The following SLC43A1 variants were observed in gnomAD, a reference collection of about 807,000 sequenced individuals.
SLC43A1 encodes solute carrier family 43 member 1, also known as large neutral amino acids transporter small subunit 3.
A neutral mutation model predicts 59.5 loss-of-function variants in SLC43A1; 31 were observed. The ratio of observed to expected loss-of-function variants is 0.52; its 90% CI spans 0.39 to 0.70. The LOEUF (loss-of-function observed/expected upper bound fraction) is 0.70, where lower values mean the gene tolerates loss of function less well. Among genes scored for constraint, SLC43A1 ranks in the 30% least tolerant of loss-of-function variants. The pLI, the probability that SLC43A1 is intolerant of heterozygous loss-of-function variation, is 0.00. For missense variants in SLC43A1, 598 were observed against 717.8 expected (o/e 0.83, Z 1.91); for synonymous variants, 259 against 290.9 (o/e 0.89, Z 1.12).
intron 2 of SLC43A1, among the ~76,000 whole-genome samples, chr11:57,512,705 T>C (rs1161384607): frequency 1.3e-5 from 2 of 152,092 alleles, no homozygotes; most frequent in Non-Finnish European, 2.9e-5. Context: ...TATCATTTCA[T>C]GTCAGGCCTC....
chr11:57,507,514 A>G (rs1944419637), intron 2 of SLC43A1, among the ~76,000 whole-genome samples: 1 of 152,146 alleles, frequency 6.6e-6, no homozygotes. Context: ...GTGGTGGTAC[A>G]TGCCTGTGGT....
chr11:57,506,174 C>A (rs1944391414), intron 2 of SLC43A1, among the ~76,000 whole-genome samples: 1 of 151,976 alleles, frequency 6.6e-6, no homozygotes. Flanking sequence ...AGTGAGACCC[C>A]ATCTATACAA....
chr11:57,501,757 T>G (rs1031484936), intron 2 of SLC43A1, among the ~76,000 whole-genome samples: 2 of 152,152 alleles, frequency 1.3e-5, no homozygotes, highest in Non-Finnish European at 2.9e-5. Context: ...CCCACCACTG[T>G]GGGAGGCTGA....
chr11:57,512,521 G>T (rs757280385), intron 2 of SLC43A1, among the ~76,000 whole-genome samples: 7 of 151,222 alleles, frequency 4.6e-5, no homozygotes, highest in Non-Finnish European at 8.8e-5. Context: ...TCCAGCCTGG[G>T]TGACAGAGTG....
At chr11:57,509,647 A>AAGTT (rs1375018599) in intron 2 of SLC43A1, among the ~76,000 whole-genome samples, 21 of 124,932 alleles carry the variant, frequency 1.7e-4, no homozygotes, top group African/African-American at 4.5e-4. Flanking sequence ...GGAAGGAAGG[A>AAGTT]AGGAGGGAGG....
intron 2 of SLC43A1, among the ~76,000 whole-genome samples, chr11:57,507,771 T>C (rs1023644045): frequency 1.5e-4 from 23 of 152,200 alleles, no homozygotes; most frequent in African/African-American, 5.5e-4. Flanking sequence ...ATTGTCCACT[T>C]TGTTTTATAG....
chr11:57,508,250 G>A (rs1944436480), intron 2 of SLC43A1, among the ~76,000 whole-genome samples: 1 of 145,654 alleles, frequency 6.9e-6, no homozygotes, highest in African/African-American at 2.5e-5. Flanking sequence ...CTGGGCAACA[G>A]AGCGAGATTC....
intron 8 of SLC43A1, 59 bp downstream of exon 8, chr11:57,493,934 T>C: frequency 1.3e-6 from 2 of 1,491,526 alleles, no homozygotes; most frequent in Non-Finnish European, 1.8e-6. Flanking sequence ...GAGTGCTCAC[T>C]GAATATGAGG....
Position 57,489,246 on chromosome 11 carries a change from G to C in SLC43A1, c.1335+5C>G, listed in dbSNP as rs1303893303. ...CAGGGAGAGGGGAAGGATGAAGGTG[G>C]GTACCTGGAGGTGTAAGTTGTTGAT... On this transcript the variant is annotated splice_donor_5th_base_variant and intron_variant, in intron 12 of 14. Coordinates refer to ENST00000278426, the MANE Select transcript of SLC43A1 (RefSeq NM_003627.6). 6.2e-7 allele frequency: 1 copy of C among 1,614,152 alleles called. No homozygotes were observed. The highest frequency in any genetic ancestry group is 2.2e-5 in the East Asian group (1 of 44,876).
intron 8 of SLC43A1, 92 bp downstream of exon 8, chr11:57,493,901 G>T: frequency 8.0e-7 from 1 of 1,255,588 alleles, no homozygotes; most frequent in South Asian, 1.6e-5. Flanking sequence ...ACTGAAGAGG[G>T]GTGCGAATAA....
rs1944084705 is a variant in SLC43A1 at position 57,496,315 on chromosome 11, T to C, written c.559-151A>G. The C allele has an allele frequency of 3.6e-6, 3 of 825,842 alleles. No homozygotes were observed. In the Admixed American group the frequency reaches 9.5e-5, roughly 26 times the overall value. 51.2% of individuals were successfully genotyped at this position (825,842 alleles called of 1,614,324 possible). A position where few individuals can be genotyped will look rare whatever the true frequency, so the allele number is the denominator to read the frequency against. ...GATGAGGAAACCAAGACCAGAAGTT[T>C]AGAGTCAGACTCAGAAGACCCATCA... On this transcript the variant is annotated intron_variant, in intron 6 of 14. Transcript: ENST00000278426.
At chr11:57,499,465 C>A in intron 5 of SLC43A1, 1 of 152,438 alleles carries the variant, frequency 6.6e-6, no homozygotes. Context: ...GCACCACTGC[C>A]AAGGACGCCA....
At position 57,496,162 on chromosome 11, in the gene SLC43A1, C is replaced by G; in HGVS notation, c.561G>C (p.Leu187=). 1 of 1,613,998 alleles carries G rather than the reference C, an allele frequency of 6.2e-7. No homozygotes were observed. The highest frequency in any genetic ancestry group is 8.5e-7 in the Non-Finnish European group (1 of 1,179,952). ...CGAAGGCCACACCGGCATCGTAGATCAGCTGTGAGAGGAGGGGGCAGGCCC... is the reference window on the plus strand; with the variant it reads ...CGAAGGCCACACCGGCATCGTAGATGAGCTGTGAGAGGAGGGGGCAGGCCC... ...SSAITFPGIK[L]IYDAGVAFVV... is the part of the protein sequence containing the mutation. The change falls in exon 7 of 15, where the codon CTG becomes CTC. Residue 187 remains leucine, a splice_region_variant and synonymous_variant. Coordinates refer to ENST00000278426, the MANE Select transcript of SLC43A1 (RefSeq NM_003627.6).
chr11:57,507,420 T>A (rs1029546674), intron 2 of SLC43A1, among the ~76,000 whole-genome samples: 1 of 152,030 alleles, frequency 6.6e-6, no homozygotes, highest in African/African-American at 2.4e-5. Flanking sequence ...CAGTGAGCGG[T>A]GATTGCGCTG....
intron 5 of SLC43A1, among the ~76,000 whole-genome samples, chr11:57,499,998 G>T (rs1028556177): frequency 6.6e-6 from 1 of 152,132 alleles, no homozygotes; most frequent in African/African-American, 2.4e-5. Flanking sequence ...GTGAAATTCA[G>T]CCAAAACCAC....
chr11:57,507,639 T>C (rs1410064614), intron 2 of SLC43A1, among the ~76,000 whole-genome samples: 1 of 152,128 alleles, frequency 6.6e-6, no homozygotes, highest in Admixed American at 6.5e-5. Context: ...CAAGACCCTA[T>C]TTCTAAAATA....
intron 2 of SLC43A1, among the ~76,000 whole-genome samples, chr11:57,505,947 A>G (rs1372500602): frequency 6.6e-6 from 1 of 152,198 alleles, no homozygotes; most frequent in Admixed American, 6.5e-5. Flanking sequence ...ACACACAGCG[A>G]ACACTCACAA....
At chr11:57,513,833 G>T in intron 2 of SLC43A1, 125 bp downstream of exon 2, 1 of 748,948 alleles carries the variant, frequency 1.3e-6, no homozygotes, top group African/African-American at 1.7e-5. Context: ...TGAAGAGGTC[G>T]AGAAGTGAGG....
At chr11:57,494,287 A>G (rs140231305) in intron 7 of SLC43A1, 116 bp from the exon 8 acceptor site, 1 of 930,122 alleles carries the variant, frequency 1.1e-6, no homozygotes, top group African/African-American at 1.7e-5. Flanking sequence ...CGGCATTGAC[A>G]TGCTCACAAG....
Sources: gnomAD v4.1 joint callset for allele counts (sites outside exome capture counted in the v4.1 genomes callset) on GRCh38, gnomAD v4.1.1 for gene constraint, MANE v1.5 for transcripts, NCBI Gene and HGNC (gene_info 2026-07-23, HGNC 2026-07-21) for gene names.